Variants in GLI2 observed in about 807,000 individuals in gnomAD.
GLI2 encodes transcription activator GLI2.
In GLI2, 22 loss-of-function variants were observed where a neutral mutation model predicts 78.9. The ratio of observed to expected loss-of-function variants is 0.28; its 90% CI spans 0.20 to 0.40. The LOEUF is 0.40. Among genes scored for constraint, GLI2 ranks in the 10% least tolerant of loss-of-function variants. The pLI is 1.00. For synonymous variants in GLI2, 974 were observed against 963.7 expected (o/e 1.01, Z -0.20); for missense variants, 2,097 against 2,213.2 (o/e 0.95, Z 1.05).
intron 5 of GLI2, 51 bp from the exon 6 acceptor site, chr2:120,968,663 C>G (rs183539421): frequency 7.6e-7 from 1 of 1,319,098 alleles, no homozygotes; most frequent in East Asian, 2.3e-5. Flanking sequence ...CATGTCACCC[C>G]CTCCCCCATC....
chr2:120,968,735 G>A lies in GLI2; in HGVS notation c.665G>A (p.Arg222Gln), dbSNP rs1213874652. 3.1e-6 allele frequency: 5 copies of A among 1,613,326 alleles called. No individual in the cohort carries two copies. The highest frequency in any genetic ancestry group is 4.2e-6 in the Non-Finnish European group (5 of 1,179,872). The change falls in exon 6 of 14, where the codon CGG becomes CAG. Residue 222 changes from arginine to glutamine, a missense_variant. By Grantham distance (43) the Arg-to-Gln change is conservative. Coordinates refer to ENST00000361492, the MANE Select transcript of GLI2 (RefSeq NM_001374353.1). The stretch of plus-strand genomic sequence containing the variant: ...ACAGTGTCCCGTTTCTCCAGCCCGC[G>A]GGTGACGCCCCGCCTGAGCCGCAAG... ...PVDVSRFSSP[R>Q]VTPRLSRKRA...
intron 9 of GLI2, 109 bp downstream of exon 9, chr2:120,975,218 C>A: frequency 9.6e-7 from 1 of 1,042,382 alleles, no homozygotes; most frequent in Non-Finnish European, 1.4e-6. Flanking sequence ...AGGAAGAGAC[C>A]CCCAGAGATG....
At position 120,991,491 on chromosome 2, in the gene GLI2, G is replaced by C. The variant is rs2278741; in HGVS notation, c.*816G>C. On this transcript the variant is annotated 3_prime_UTR_variant, in exon 14 of 14. Coordinates refer to ENST00000361492, the MANE Select transcript of GLI2 (RefSeq NM_001374353.1). The stretch of plus-strand genomic sequence containing the variant: ...AGAATGTAGCCCTTCCTGAAAAGAA[G>C]ACTTGTTTCTAAATACCTCGGGGCT... 92,514 of 152,546 alleles carry C rather than the reference G, an allele frequency of 0.61. 29,689 individuals carry two copies. The highest frequency in any genetic ancestry group is 0.73 in the Non-Finnish European group (49,678 of 68,026). 9.4% of individuals were successfully genotyped at this position (152,546 alleles called of 1,614,324 possible).
At chr2:120,949,291 G>A (rs1200203788) in intron 3 of GLI2, among the ~76,000 whole-genome samples, 2 of 152,256 alleles carry the variant, frequency 1.3e-5, no homozygotes, top group Non-Finnish European at 2.9e-5. Context: ...GAGTGAGAAC[G>A]TCTTGAGGTT....
At chr2:120,876,918 T>C (rs1311878056) in intron 2 of GLI2, among the ~76,000 whole-genome samples, 1 of 152,262 alleles carries the variant, frequency 6.6e-6, no homozygotes, top group Non-Finnish European at 1.5e-5. Context: ...CCTTGTTTAA[T>C]ATTCTTTTAC....
At chr2:120,896,639 A>G (rs1677959621) in intron 2 of GLI2, among the ~76,000 whole-genome samples, 2 of 99,558 alleles carry the variant, frequency 2.0e-5, no homozygotes, top group Admixed American at 2.1e-4. Flanking sequence ...AAACACACAT[A>G]CACACACACA....
rs146508626 is a variant in GLI2 at position 120,986,460 on chromosome 2, C to G, written c.2088C>G (p.Ser696=). 1 of 1,613,902 alleles carries G rather than the reference C, an allele frequency of 6.2e-7. No individual in the cohort carries two copies. The highest frequency in any genetic ancestry group is 8.5e-7 in the Non-Finnish European group (1 of 1,180,014). ...GADTSALAAP[S]AGGLQLRKHM... ...ACACCTCAGCCCTGGCTGCCCCCTC[C>G]GCTGGTGGCCTCCAGCTGCGCAAAC... Residue 696 remains serine (S), a synonymous_variant, in exon 13 of 14, where the codon TCC becomes TCG. Coordinates refer to ENST00000361492, the MANE Select transcript of GLI2 (RefSeq NM_001374353.1).
chr2:120,820,352 T>G (rs1251364020), intron 2 of GLI2, among the ~76,000 whole-genome samples: 2 of 152,182 alleles, frequency 1.3e-5, no homozygotes, highest in Non-Finnish European at 2.9e-5. Context: ...GACTGTGCAC[T>G]TTCATCCAGC....
intron 2 of GLI2, among the ~76,000 whole-genome samples, chr2:120,837,872 A>T (rs1686690905): frequency 1.3e-5 from 2 of 152,132 alleles, no homozygotes; most frequent in African/African-American, 4.8e-5. Flanking sequence ...TTCTGGTGCC[A>T]TCTCACATTG....
chr2:120,809,401 C>G (rs548297324), intron 2 of GLI2, among the ~76,000 whole-genome samples: 6 of 152,146 alleles, frequency 3.9e-5, no homozygotes, highest in Admixed American at 2.6e-4. Context: ...CTTGGGGTTT[C>G]TTTTTGGAGG....
intron 2 of GLI2, among the ~76,000 whole-genome samples, chr2:120,827,268 G>C (rs780825760): frequency 6.6e-6 from 1 of 152,212 alleles, no homozygotes; most frequent in Non-Finnish European, 1.5e-5. Context: ...TAAGTGGTGA[G>C]CCCGGCGTCT....
chr2:120,881,778 GT>G (rs1677159408), intron 2 of GLI2, among the ~76,000 whole-genome samples: 1 of 1,472 alleles, frequency 6.8e-4, no homozygotes, highest in Non-Finnish European at 1.6e-3. Flanking sequence ...CGGGAGAACA[GT>G]GGGGAGAACA....
intron 1 of GLI2, among the ~76,000 whole-genome samples, chr2:120,759,645 C>G (rs966745463): frequency 2.0e-5 from 3 of 152,186 alleles, no homozygotes; most frequent in Admixed American, 2.0e-4. Flanking sequence ...GCTCCTGAAC[C>G]TAGTCCTTTT....
chr2:120,850,670 A>T (rs1687363851), intron 2 of GLI2, among the ~76,000 whole-genome samples: 1 of 152,104 alleles, frequency 6.6e-6, no homozygotes, highest in Admixed American at 6.5e-5. Flanking sequence ...CCCCCTCTCT[A>T]CAGTCAGAGC....
intron 2 of GLI2, among the ~76,000 whole-genome samples, chr2:120,841,686 G>C (rs1686877909): frequency 1.3e-5 from 2 of 152,250 alleles, no homozygotes; most frequent in South Asian, 4.1e-4. Flanking sequence ...GGTATGCCAG[G>C]TGCTGGCAGG....
chr2:120,792,778 A>G (rs1226968710), intron 1 of GLI2, among the ~76,000 whole-genome samples: 1 of 152,106 alleles, frequency 6.6e-6, no homozygotes, highest in Non-Finnish European at 1.5e-5. Flanking sequence ...GCACGCCACC[A>G]TGCCCAGCTA....
At position 120,800,172 on chromosome 2, in the gene GLI2, G is replaced by A. The variant is rs1684632085; in HGVS notation, c.148+2704G>A. Among the ~76,000 whole-genome samples, 1 of 152,188 alleles carries A rather than the reference G, an allele frequency of 6.6e-6. No homozygotes were observed. The highest frequency in any genetic ancestry group is 2.4e-5 in the African/African-American group (1 of 41,426). ...GCCGTGAGGGACTGTACCAAGCCTG[G>A]GAGAGGGACAGTGCCGCAGGGTGCA... On this transcript the variant is annotated intron_variant, in intron 2 of 13. Transcript: ENST00000361492. This position sits in a 1 kb window ranked among gnomAD's most constrained non-coding sequence, Gnocchi z 4.1.
At chr2:120,982,521 G>T (rs1682760553) in intron 10 of GLI2, among the ~76,000 whole-genome samples, 195 bp from the exon 11 acceptor site, 1 of 152,180 alleles carries the variant, frequency 6.6e-6, no homozygotes, top group South Asian at 2.1e-4. Context: ...GCGACCGGTG[G>T]TTTTCATTTT....
chr2:120,988,442 C>G lies in GLI2; in HGVS notation c.2477C>G (p.Ala826Gly), dbSNP rs1270859236. 1.3e-6 allele frequency: 2 copies of G among 1,572,974 alleles called. No homozygotes were observed. The highest frequency in any genetic ancestry group is 1.7e-6 in the Non-Finnish European group (2 of 1,169,172). Residue 826 changes from alanine (A) to glycine (G), a missense_variant, in exon 14 of 14, where the codon GCC (alanine) becomes GGC (glycine). Physicochemically the swap from Ala to Gly is moderately conservative, Grantham distance 60. Coordinates refer to ENST00000361492, the MANE Select transcript of GLI2 (RefSeq NM_001374353.1). ...RRSSEASPLGAGRPHNASSAD... is the reference protein window; with the variant it reads ...RRSSEASPLGGGRPHNASSAD... ...TCCAGCGAGGCCTCGCCCCTGGGCG[C>G]CGGCCGCCCGCACAACGCGAGCTCC...
Sources: gnomAD v4.1 joint callset for allele counts (sites outside exome capture counted in the v4.1 genomes callset) on GRCh38, gnomAD v4.1.1 for gene constraint, Gnocchi (gnomAD v3.1) non-coding constraint, MANE v1.5 for transcripts, NCBI Gene and HGNC (gene_info 2026-07-23, HGNC 2026-07-21) for gene names.